The following GMDS variants were observed in gnomAD, a reference collection of about 807,000 sequenced individuals.
GMDS encodes GDP-mannose 4,6-dehydratase, also known as GDP-mannose 4,6 dehydratase.
A neutral mutation model predicts 49.9 loss-of-function variants in GMDS; 20 were observed. The ratio of observed to expected loss-of-function variants is 0.40; its 90% CI spans 0.28 to 0.58. GMDS has a LOEUF of 0.58. GMDS is among the 20% of genes least tolerant of loss of function. GMDS has a pLI of 0.42. For synonymous variants in GMDS, 177 were observed against 178.6 expected (o/e 0.99, Z 0.07); for missense variants, 362 against 481.4 (o/e 0.75, Z 2.32).
chr6:2,230,054 G>T (rs1041977041), intron 1 of GMDS, among the ~76,000 whole-genome samples: 3 of 144,394 alleles, frequency 2.1e-5, no homozygotes. Flanking sequence ...CTCCTCTGAA[G>T]ACCCCTATCC....
At chr6:1,903,160 G>A (rs1760586364) in intron 7 of GMDS, among the ~76,000 whole-genome samples, 4 of 152,092 alleles carry the variant, frequency 2.6e-5, no homozygotes, top group Admixed American at 2.0e-4. Context: ...AAAAGATTGT[G>A]GATTTATTAG....
At chr6:1,708,908 G>C (rs1281164445) in intron 9 of GMDS, among the ~76,000 whole-genome samples, 6 of 152,216 alleles carry the variant, frequency 3.9e-5, no homozygotes. Flanking sequence ...CCATTGTCAG[G>C]TGCTGTGGTG....
intron 1 of GMDS, among the ~76,000 whole-genome samples, chr6:2,164,770 C>T (rs1330341153): frequency 6.6e-6 from 1 of 152,226 alleles, no homozygotes; most frequent in Non-Finnish European, 1.5e-5. Context: ...GCAACTAATA[C>T]AACTTAAGGT....
chr6:1,838,651 C>T (rs1470265324), intron 7 of GMDS, among the ~76,000 whole-genome samples: 1 of 152,090 alleles, frequency 6.6e-6, no homozygotes, highest in African/African-American at 2.4e-5. Context: ...GTATGAAGAG[C>T]GGAGGAATTC....
chr6:2,003,631 A>G (rs1766974630), intron 4 of GMDS, among the ~76,000 whole-genome samples: 1 of 152,180 alleles, frequency 6.6e-6, no homozygotes, highest in Admixed American at 6.5e-5. Flanking sequence ...CTTAATCATA[A>G]AGTATTTGCC....
At chr6:1,902,106 A>G (rs1157826537) in intron 7 of GMDS, among the ~76,000 whole-genome samples, 1 of 152,234 alleles carries the variant, frequency 6.6e-6, no homozygotes, top group African/African-American at 2.4e-5. Flanking sequence ...AAAGTTCTAG[A>G]AGTGTGTAAT....
intron 5 of GMDS, 83 bp from the exon 6 acceptor site, chr6:1,960,054 C>A: frequency 4.1e-6 from 3 of 735,038 alleles, no homozygotes; most frequent in South Asian, 2.0e-5. Flanking sequence ...ACATCTTGGC[C>A]GAAATAATAA....
intron 6 of GMDS, among the ~76,000 whole-genome samples, chr6:1,948,601 G>A (rs756054786): frequency 3.3e-5 from 5 of 152,056 alleles, no homozygotes; most frequent in Non-Finnish European, 7.4e-5. Flanking sequence ...AGGCTGCAGT[G>A]AACTATGATC....
chr6:2,208,470 C>T (rs1779907633), intron 1 of GMDS, among the ~76,000 whole-genome samples: 1 of 152,186 alleles, frequency 6.6e-6, no homozygotes, highest in Non-Finnish European at 1.5e-5. Flanking sequence ...TTCTGATCGC[C>T]AGTCCATACT....
At chr6:1,892,127 T>C (rs1396167748) in intron 7 of GMDS, among the ~76,000 whole-genome samples, 1 of 152,174 alleles carries the variant, frequency 6.6e-6, no homozygotes, top group African/African-American at 2.4e-5. Context: ...GAGATGTAAG[T>C]AGCACCTATT....
intron 4 of GMDS, among the ~76,000 whole-genome samples, chr6:2,040,216 G>A (rs887615746): frequency 2.5e-4 from 38 of 152,332 alleles, no homozygotes; most frequent in African/African-American, 8.9e-4. Flanking sequence ...GAGTGGCAAA[G>A]GGCAGGTAGG....
intron 7 of GMDS, among the ~76,000 whole-genome samples, chr6:1,899,627 T>C (rs1760395226): frequency 6.6e-6 from 1 of 152,216 alleles, no homozygotes; most frequent in Non-Finnish European, 1.5e-5. Flanking sequence ...CTATAAAAAA[T>C]ATTACATTTC....
chr6:2,189,935 T>C (rs1283412448), intron 1 of GMDS, among the ~76,000 whole-genome samples: 1 of 152,134 alleles, frequency 6.6e-6, no homozygotes, highest in African/African-American at 2.4e-5. Flanking sequence ...CGTTTCTGTT[T>C]TAATAATGGA....
At chr6:2,170,864 G>A (rs1032475363) in intron 1 of GMDS, among the ~76,000 whole-genome samples, 2 of 151,540 alleles carry the variant, frequency 1.3e-5, no homozygotes, top group African/African-American at 2.4e-5. Flanking sequence ...GTGCAGTGGC[G>A]GGCGCCTGTA....
At chr6:1,643,367 T>G (rs1763390364) in intron 9 of GMDS, among the ~76,000 whole-genome samples, 1 of 152,224 alleles carries the variant, frequency 6.6e-6, no homozygotes, top group African/African-American at 2.4e-5. Context: ...GAACCCTGAC[T>G]GCCCACGGGG....
chr6:2,176,746 G>T (rs1354382271), intron 1 of GMDS, among the ~76,000 whole-genome samples: 1 of 152,130 alleles, frequency 6.6e-6, no homozygotes, highest in African/African-American at 2.4e-5. Flanking sequence ...GGAGTAAAGT[G>T]GGAATTGGCC....
intron 7 of GMDS, among the ~76,000 whole-genome samples, chr6:1,830,751 C>G (rs1210783268): frequency 3.3e-5 from 5 of 152,098 alleles, no homozygotes; most frequent in Admixed American, 3.3e-4. Context: ...ATTAAATTAT[C>G]TGAAATTTAT....
At chr6:2,243,463 A>C (rs1781710081) in intron 1 of GMDS, among the ~76,000 whole-genome samples, 1 of 152,234 alleles carries the variant, frequency 6.6e-6, no homozygotes, top group Non-Finnish European at 1.5e-5. Context: ...CAATACTAAA[A>C]TAAAATCTCT....
chr6:1,930,339 C>A (rs1242451694), intron 6 of GMDS, 109 bp from the exon 7 acceptor site: 2 of 723,858 alleles, frequency 2.8e-6, no homozygotes, highest in East Asian at 5.1e-5. Context: ...ATTCTACACT[C>A]CCAGCCACCC....
Sources: allele counts gnomAD v4.1 joint callset (sites outside exome capture counted in the v4.1 genomes callset), GRCh38; gene constraint gnomAD v4.1.1; transcripts MANE v1.5; gene names NCBI Gene and HGNC (gene_info 2026-07-23, HGNC 2026-07-21).